GPATCH8: variants seen among roughly 807,000 people sequenced by gnomAD.
GPATCH8 encodes G patch domain-containing protein 8.
Under a neutral mutation model 118.3 loss-of-function variants are expected in GPATCH8, and 18 were observed. The observed-to-expected ratio is 0.15, with a 90% CI of 0.11 to 0.23. GPATCH8 has a LOEUF of 0.23. Among genes scored for constraint, GPATCH8 ranks in the 10% least tolerant of loss-of-function variants. GPATCH8 has a pLI of 1.00. For missense variants in GPATCH8, 1,631 were observed against 1,873.8 expected, an observed-to-expected ratio of 0.87 and a Z score of 2.39; for synonymous variants, 659 against 684.7, an observed-to-expected ratio of 0.96 and a Z score of 0.59.
intron 3 of GPATCH8, among the ~76,000 whole-genome samples, chr17:44,455,249 C>T (rs1376516987): frequency 6.6e-6 from 1 of 152,174 alleles, no homozygotes; most frequent in African/African-American, 2.4e-5. Flanking sequence ...CGCCTGTAAT[C>T]CCAGCACTGT....
At chr17:44,443,879 G>A (rs982651037) in intron 3 of GPATCH8, among the ~76,000 whole-genome samples, 2 of 152,056 alleles carry the variant, frequency 1.3e-5, no homozygotes, top group Admixed American at 6.6e-5. Flanking sequence ...CATGTTGCCC[G>A]CCCAGTTTGT....
At chr17:44,437,589 T>A (rs939180324) in intron 3 of GPATCH8, among the ~76,000 whole-genome samples, 1 of 151,970 alleles carries the variant, frequency 6.6e-6, no homozygotes, top group African/African-American at 2.4e-5. Flanking sequence ...TATATATACA[T>A]ATATTATACC....
chr17:44,450,291 T>C (rs962709826), intron 3 of GPATCH8, among the ~76,000 whole-genome samples: 2 of 152,234 alleles, frequency 1.3e-5, no homozygotes, highest in African/African-American at 4.8e-5. Context: ...TCCTGGCTGC[T>C]TTTAACAATT....
chr17:44,414,804 A>G (rs2049615116), intron 6 of GPATCH8, among the ~76,000 whole-genome samples: 2 of 152,290 alleles, frequency 1.3e-5, no homozygotes, highest in South Asian at 4.1e-4. Flanking sequence ...ACATTTGTTT[A>G]TTCTAGACTT....
intron 1 of GPATCH8, among the ~76,000 whole-genome samples, chr17:44,500,545 A>G (rs1568081750): frequency 3.3e-5 from 5 of 152,266 alleles, no homozygotes; most frequent in Admixed American, 2.0e-4. Context: ...AAATTTTAAT[A>G]GCCCAACTCC....
At chr17:44,493,889 A>C (rs1404161321) in intron 1 of GPATCH8, among the ~76,000 whole-genome samples, 1 of 152,190 alleles carries the variant, frequency 6.6e-6, no homozygotes, top group African/African-American at 2.4e-5. Context: ...AGAAAAGAAC[A>C]TTATATAAGA....
At chr17:44,476,038 C>A (rs936190757) in intron 1 of GPATCH8, among the ~76,000 whole-genome samples, 1 of 152,062 alleles carries the variant, frequency 6.6e-6, no homozygotes, top group African/African-American at 2.4e-5. Context: ...TCAAACAAAA[C>A]AAAACACAAC....
chr17:44,417,426 C>T (rs2049727750), intron 6 of GPATCH8, among the ~76,000 whole-genome samples: 1 of 152,098 alleles, frequency 6.6e-6, no homozygotes, highest in African/African-American at 2.4e-5. Context: ...GCCATGTTGC[C>T]CAGACTGGTC....
At chr17:44,469,561 T>C (rs1180553488) in intron 2 of GPATCH8, among the ~76,000 whole-genome samples, 1 of 152,216 alleles carries the variant, frequency 6.6e-6, no homozygotes, top group Non-Finnish European at 1.5e-5. Context: ...TGAATTTTGT[T>C]TTAGTTGACA....
At position 44,396,086 on chromosome 17, in the gene GPATCH8, CTG is replaced by C. The variant is rs2048769318; in HGVS notation, c.*1480_*1481del. ...TGCTCACCTCCCAACAAAAGGAAGA[CTG>C]TCCCAACTCATCCTCCAGCCTACTT... On this transcript the variant is annotated 3_prime_UTR_variant, in exon 8 of 8. Transcript: ENST00000591680. 2.2e-6 allele frequency: 1 copy of C among 454,434 alleles called. No homozygotes were observed. The highest frequency in any genetic ancestry group is 2.0e-5 in the African/African-American group (1 of 49,974). The allele number at this position is 454,434 out of a possible 1,614,324, so 28.2% of individuals were successfully genotyped here.
chr17:44,442,256 G>A (rs2050728614), intron 3 of GPATCH8, among the ~76,000 whole-genome samples: 1 of 148,340 alleles, frequency 6.7e-6, no homozygotes, highest in African/African-American at 2.5e-5. Context: ...CACGTTCCAT[G>A]AATTACCAAT....
chr17:44,410,269 T>C (rs192214358), intron 6 of GPATCH8, among the ~76,000 whole-genome samples: 3 of 152,182 alleles, frequency 2.0e-5, no homozygotes, highest in African/African-American at 7.2e-5. Context: ...TCTCTTAAAT[T>C]CTAAAGAGGA....
At chr17:44,424,295 T>C (rs984887093) in intron 6 of GPATCH8, 54 bp downstream of exon 6, 5 of 1,270,074 alleles carry the variant, frequency 3.9e-6, no homozygotes, top group South Asian at 1.2e-5. Flanking sequence ...TAAAATCCAA[T>C]TGTTGTAACA....
chr17:44,427,289 C>T (rs1024068147), intron 5 of GPATCH8, among the ~76,000 whole-genome samples: 2 of 151,498 alleles, frequency 1.3e-5, no homozygotes, highest in East Asian at 1.9e-4. Flanking sequence ...GTGCCCAAGG[C>T]TGGATGTGAA....
In GPATCH8 at chr17:44,399,417, C is replaced by T. The variant is rs761377639; in HGVS notation, c.2660G>A (p.Arg887His). 3.1e-6 allele frequency: 5 copies of T among 1,613,896 alleles called. No individual in the cohort carries two copies. Among genetic ancestry groups the T allele is most frequent in the East Asian group, 2.2e-5 (1 of 44,900 alleles). The change falls in exon 8 of 8, where the codon CGC becomes CAC. Residue 887 changes from arginine (R) to histidine (H), a missense_variant. Physicochemically the swap from Arg to His is conservative, Grantham distance 29 (BLOSUM62 0). Around this residue, in one of 8 missense-constraint regions of GPATCH8, gnomAD observed 922 missense variants for 879.7 expected, o/e 1.05. Transcript: ENST00000591680. ...ACTGTAGCTGTCATCAGAGTAACTGCGCTGTCTACTATAGCAGCTCTGGTC... is the reference window on the plus strand; with the variant it reads ...ACTGTAGCTGTCATCAGAGTAACTGTGCTGTCTACTATAGCAGCTCTGGTC... ...SSDQSCYSRQ[R>H]SYSDDSYSDY...
chr17:44,408,359 A>G (rs1204953889), intron 6 of GPATCH8, among the ~76,000 whole-genome samples: 1 of 151,846 alleles, frequency 6.6e-6, no homozygotes, highest in African/African-American at 2.4e-5. Flanking sequence ...CTGATTTTTT[A>G]TATTTTTAGT....
At chr17:44,497,698 G>T (rs994790464) in intron 1 of GPATCH8, among the ~76,000 whole-genome samples, 36 of 151,594 alleles carry the variant, frequency 2.4e-4, no homozygotes, top group Admixed American at 2.4e-3. Context: ...CCAGCACTTT[G>T]GGGGGCTGAG....
intron 3 of GPATCH8, among the ~76,000 whole-genome samples, chr17:44,447,955 T>C (rs1172618672): frequency 6.6e-6 from 1 of 152,160 alleles, no homozygotes; most frequent in Non-Finnish European, 1.5e-5. Flanking sequence ...GGTGTTTGTT[T>C]GTGAGACAGG....
chr17:44,423,040 G>A (rs2049969840), intron 6 of GPATCH8, among the ~76,000 whole-genome samples: 1 of 151,748 alleles, frequency 6.6e-6, no homozygotes, highest in Non-Finnish European at 1.5e-5. Context: ...AGGCCGAGGT[G>A]GGCGGATCAC....
Sources: allele counts gnomAD v4.1 joint callset (sites outside exome capture counted in the v4.1 genomes callset), GRCh38; gene constraint gnomAD v4.1.1; regional missense constraint gnomAD v4.1.1; transcripts MANE v1.5; gene names NCBI Gene and HGNC (gene_info 2026-07-23, HGNC 2026-07-21).